Variants in RAB11FIP4 observed in about 807,000 individuals in gnomAD.
The protein encoded by RAB11FIP4 is RAB11 family interacting protein 4.
A neutral mutation model predicts 74.3 loss-of-function variants in RAB11FIP4; 23 were observed. The observed-to-expected ratio is 0.31, with a 90% CI of 0.22 to 0.44. The LOEUF is 0.44. Ranked by LOEUF, RAB11FIP4 falls within the 20% of genes least tolerant of loss-of-function variation. RAB11FIP4 has a pLI of 1.00. For missense variants in RAB11FIP4, 630 were observed against 863.9 expected, an observed-to-expected ratio of 0.73 and a Z score of 3.39; for synonymous variants, 360 against 359.9, an observed-to-expected ratio of 1.00 and a Z score of 0.00.
intron 3 of RAB11FIP4, among the ~76,000 whole-genome samples, chr17:31,495,303 C>T (rs149854872): frequency 0.011 from 1,602 of 150,702 alleles, 12 homozygotes; most frequent in Middle Eastern, 0.021. Flanking sequence ...TCCACTCAGG[C>T]GAAGCTGGCT....
At chr17:31,473,033 A>G (rs1314171885) in intron 3 of RAB11FIP4, among the ~76,000 whole-genome samples, 2 of 151,788 alleles carry the variant, frequency 1.3e-5, no homozygotes. Flanking sequence ...ACTCGTCTCA[A>G]AAAAACAAAA....
chr17:31,468,797 T>C (rs1038843638), intron 3 of RAB11FIP4, among the ~76,000 whole-genome samples: 5 of 151,084 alleles, frequency 3.3e-5, no homozygotes, highest in African/African-American at 1.2e-4. Context: ...ACCACTGCAC[T>C]CCAGCCTCGT....
In RAB11FIP4 at chr17:31,522,660, C is replaced by T; in HGVS notation, c.929+265C>T. ...CTTCAGGCAGGCATGCCAGGGATGCCCTGAGAGAGACAGAGCACCCCACAG... is the reference window on the plus strand; with the variant it reads ...CTTCAGGCAGGCATGCCAGGGATGCTCTGAGAGAGACAGAGCACCCCACAG... On this transcript the variant is annotated intron_variant, in intron 7 of 14. Coordinates refer to ENST00000621161, the MANE Select transcript of RAB11FIP4 (RefSeq NM_032932.6). The T allele has an allele frequency of 1.5e-5, 8 of 539,328 alleles. No homozygotes were observed. The South Asian group carries it at 2.0e-4, about 13-fold the overall frequency. 33.4% of individuals were successfully genotyped at this position (539,328 alleles called of 1,614,324 possible).
intron 3 of RAB11FIP4, among the ~76,000 whole-genome samples, chr17:31,480,697 A>C (rs1487317043): frequency 6.8e-6 from 1 of 146,538 alleles, no homozygotes; most frequent in Admixed American, 7.0e-5. Flanking sequence ...CTGAGGCACG[A>C]GTATCGCTTG....
At chr17:31,462,457 A>G (rs2142718358) in intron 3 of RAB11FIP4, among the ~76,000 whole-genome samples, 1 of 152,162 alleles carries the variant, frequency 6.6e-6, no homozygotes, top group African/African-American at 2.4e-5. Flanking sequence ...TTTGCAGGGA[A>G]GCATTTAAAG....
At chr17:31,441,765 T>C (rs1597918711) in intron 3 of RAB11FIP4, among the ~76,000 whole-genome samples, 1 of 151,974 alleles carries the variant, frequency 6.6e-6, no homozygotes, top group South Asian at 2.1e-4. Context: ...TGACCTCAGG[T>C]GATCTGCCTG....
At chr17:31,424,598 C>T (rs1344757853) in intron 1 of RAB11FIP4, among the ~76,000 whole-genome samples, 5 of 119,062 alleles carry the variant, frequency 4.2e-5, no homozygotes, top group African/African-American at 1.1e-4. Context: ...TTTTTTGAGG[C>T]GGAGTCTCGC....
At chr17:31,502,453 C>A (rs762825669) in intron 3 of RAB11FIP4, among the ~76,000 whole-genome samples, 1 of 151,858 alleles carries the variant, frequency 6.6e-6, no homozygotes, top group African/African-American at 2.4e-5. Context: ...CTGGTGGGCA[C>A]CTGTAATCCC....
chr17:31,530,188 C>A (rs1387515013), intron 13 of RAB11FIP4, 138 bp from the exon 14 acceptor site: 19 of 1,126,650 alleles, frequency 1.7e-5, no homozygotes, highest in Non-Finnish European at 2.3e-5. Flanking sequence ...ACATCTATGG[C>A]CCCTTGAACC....
At chr17:31,494,106 T>C (rs1246899044) in intron 3 of RAB11FIP4, among the ~76,000 whole-genome samples, 2 of 152,128 alleles carry the variant, frequency 1.3e-5, no homozygotes, top group Non-Finnish European at 1.5e-5. Flanking sequence ...CAGTCTAGGT[T>C]CTGGCCTTTA....
At chr17:31,417,415 C>T (rs2071158862) in intron 1 of RAB11FIP4, among the ~76,000 whole-genome samples, 1 of 152,218 alleles carries the variant, frequency 6.6e-6, no homozygotes, top group African/African-American at 2.4e-5. Context: ...AGGCCCCTCT[C>T]ACCCCACAGG....
chr17:31,462,768 C>G (rs180830920), intron 3 of RAB11FIP4, among the ~76,000 whole-genome samples: 47 of 152,246 alleles, frequency 3.1e-4, no homozygotes, highest in African/African-American at 1.1e-3. Context: ...TCCAAAGTAG[C>G]TGGGATTATA....
intron 3 of RAB11FIP4, among the ~76,000 whole-genome samples, chr17:31,452,040 ATTC>A (rs148229825): frequency 0.015 from 2,284 of 152,254 alleles, 57 homozygotes; most frequent in African/African-American, 0.048. Flanking sequence ...GAACATTACA[ATTC>A]TTCTAGCTTT....
chr17:31,447,775 C>T (rs1025907311), intron 3 of RAB11FIP4, among the ~76,000 whole-genome samples: 5 of 152,166 alleles, frequency 3.3e-5, no homozygotes, highest in Non-Finnish European at 4.4e-5. Context: ...TGCCCACCTC[C>T]ACCTCCCAAA....
rs373779461 is a variant in RAB11FIP4, at chr17:31,484,986, C to T, written c.337-32665C>T. 7.9e-5 allele frequency among the ~76,000 whole-genome samples: 12 copies of T among 152,344 alleles called. No homozygotes were observed. In the South Asian group the frequency reaches 1.5e-3, roughly 18 times the overall value. On this transcript the variant is annotated intron_variant, in intron 3 of 14. Coordinates refer to ENST00000621161, the MANE Select transcript of RAB11FIP4 (RefSeq NM_032932.6). ...AAAGCCAAGATATGGCCCTTGGCCC[C>T]GGCACCCATGCACAGAACCAGTGCG...
At chr17:31,522,173 G>T in intron 6 of RAB11FIP4, 124 bp downstream of exon 6, 2 of 1,377,072 alleles carry the variant, frequency 1.5e-6, no homozygotes, top group South Asian at 2.5e-5. Context: ...TCAGAGGAGG[G>T]TTGATCCAGG....
intron 1 of RAB11FIP4, among the ~76,000 whole-genome samples, chr17:31,430,266 AC>A (rs1213647472): frequency 6.6e-6 from 1 of 152,012 alleles, no homozygotes; most frequent in African/African-American, 2.4e-5. Flanking sequence ...CAGCTAGAGT[AC>A]AGTGAGTGAT....
intron 5 of RAB11FIP4, 165 bp from the exon 6 acceptor site, chr17:31,521,750 G>C: frequency 1.3e-6 from 1 of 741,312 alleles, no homozygotes; most frequent in Non-Finnish European, 2.2e-6. Context: ...CTCTTTGAGC[G>C]TGTTGGAGAA....
At chr17:31,489,765 A>C (rs1348067780) in intron 3 of RAB11FIP4, among the ~76,000 whole-genome samples, 1 of 151,986 alleles carries the variant, frequency 6.6e-6, no homozygotes, top group Non-Finnish European at 1.5e-5. Context: ...GGAAGCCGCT[A>C]GGGTTCTTCA....
Sources: allele counts gnomAD v4.1 joint callset (sites outside exome capture counted in the v4.1 genomes callset), GRCh38; gene constraint gnomAD v4.1.1; transcripts MANE v1.5; gene names NCBI Gene and HGNC (gene_info 2026-07-23, HGNC 2026-07-21).